Variants in PRKD1 observed in about 807,000 individuals in gnomAD.
PRKD1 encodes the protein protein kinase D1, also known as serine/threonine-protein kinase D1.
Under a neutral mutation model 95.9 loss-of-function variants are expected in PRKD1, and 63 were observed. That is an observed-to-expected ratio of 0.66 (90% CI 0.54 to 0.81). PRKD1 has a LOEUF of 0.81. Ranked by LOEUF, PRKD1 falls within the 30% of genes least tolerant of loss-of-function variation. The pLI is 0.00. For synonymous variants in PRKD1, 425 were observed against 423.1 expected, an observed-to-expected ratio of 1.00 and a Z score of -0.05; for missense variants, 1,048 against 1,165.3, an observed-to-expected ratio of 0.90 and a Z score of 1.47.
At chr14:29,838,190 C>T (rs1327013688) in intron 1 of PRKD1, among the ~76,000 whole-genome samples, 1 of 151,962 alleles carries the variant, frequency 6.6e-6, no homozygotes, top group African/African-American at 2.4e-5. Context: ...TTTTGGACCC[C>T]TAAATATGGG....
At chr14:29,910,693 G>A (rs1465459300) in intron 1 of PRKD1, among the ~76,000 whole-genome samples, 1 of 152,208 alleles carries the variant, frequency 6.6e-6, no homozygotes, top group East Asian at 1.9e-4. Flanking sequence ...AGGAATTTGA[G>A]ACTTGTTAGG....
In PRKD1 at chr14:29,614,853, C is replaced by A. The variant is rs569861750; in HGVS notation, c.1905+9299G>T. ...TACAGGCATGGGGCACCATGCCCAG[C>A]TAATTTTTTTTTTTTTTTTTTTTTT... On this transcript the variant is annotated intron_variant, in intron 13 of 17. Transcript: ENST00000331968. Among the ~76,000 whole-genome samples, 19 of 136,822 alleles carry A rather than the reference C, an allele frequency of 1.4e-4. No individual in the cohort carries two copies. The South Asian group carries it at 4.6e-3, about 33-fold the overall frequency. 89.8% of individuals were successfully genotyped at this position (136,822 alleles called of 152,430 possible). A position where few individuals can be genotyped will look rare whatever the true frequency, so the allele number is the denominator to read the frequency against.
At chr14:29,774,640 A>C (rs964829869) in intron 1 of PRKD1, among the ~76,000 whole-genome samples, 1 of 152,190 alleles carries the variant, frequency 6.6e-6, no homozygotes, top group Non-Finnish European at 1.5e-5. Flanking sequence ...AGTTGACATT[A>C]TTGTGCATTT....
chr14:29,588,790 TTGTGTGTGTGTGTGTGTGTG>T (rs34773417), intron 16 of PRKD1, among the ~76,000 whole-genome samples: 7 of 145,326 alleles, frequency 4.8e-5, no homozygotes, highest in African/African-American at 1.0e-4. Context: ...ATTCCTAAAG[TTGTGTGTGTGTGTGTGTGTG>T]TGTGTGTGTG....
At chr14:29,592,490 A>G (rs907562912) in intron 16 of PRKD1, among the ~76,000 whole-genome samples, 1 of 152,194 alleles carries the variant, frequency 6.6e-6, no homozygotes, top group Non-Finnish European at 1.5e-5. Flanking sequence ...AGTTATACAT[A>G]AATGCATTCA....
intron 1 of PRKD1, among the ~76,000 whole-genome samples, chr14:29,781,316 G>T (rs1290025968): frequency 2.0e-5 from 3 of 152,006 alleles, no homozygotes; most frequent in Non-Finnish European, 4.4e-5. Context: ...ATCTTGAGAG[G>T]ACTGGAAACC....
intron 1 of PRKD1, among the ~76,000 whole-genome samples, chr14:29,813,898 T>C (rs1478704332): frequency 6.6e-6 from 1 of 152,144 alleles, no homozygotes; most frequent in Non-Finnish European, 1.5e-5. Context: ...ACAAAAAAGT[T>C]AGGGATCAAA....
intron 1 of PRKD1, among the ~76,000 whole-genome samples, chr14:29,926,325 T>C (rs2139149182): frequency 6.6e-6 from 1 of 152,362 alleles, no homozygotes; most frequent in South Asian, 2.1e-4. Context: ...AAACGCTGGC[T>C]GTTTACACTA....
Position 29,927,279 on chromosome 14 carries a change from G to A in PRKD1, c.234C>T (p.Arg78=), listed in dbSNP as rs1386168640. ...SSGDYSLAHV[R]EMACSIVDQK... Reference sequence around the variant, plus strand: ...GGTCGACAATGGAGCAAGCCATCTCGCGGACGTGCGCCAGGCTGTAGTCCC... The same window carrying A: ...GGTCGACAATGGAGCAAGCCATCTCACGGACGTGCGCCAGGCTGTAGTCCC... Residue 78 remains arginine (R), a synonymous_variant, in exon 1 of 18, where the codon CGC becomes CGT. Transcript: ENST00000331968. 3 of 1,530,808 alleles carry A rather than the reference G, an allele frequency of 2.0e-6. No individual in the cohort carries two copies. The highest frequency in any genetic ancestry group is 2.0e-5 in the Admixed American group (1 of 49,220). 94.8% of individuals were successfully genotyped at this position (1,530,808 alleles called of 1,614,324 possible).
chr14:29,616,447 T>G (rs1228518987), intron 13 of PRKD1, among the ~76,000 whole-genome samples: 1 of 33,864 alleles, frequency 3.0e-5, no homozygotes, highest in Non-Finnish European at 9.3e-5. Context: ...TCGTTTATGG[T>G]TTTTTTTTTT....
intron 2 of PRKD1, among the ~76,000 whole-genome samples, chr14:29,719,442 T>C (rs1885779235): frequency 6.6e-6 from 1 of 152,198 alleles, no homozygotes; most frequent in Non-Finnish European, 1.5e-5. Flanking sequence ...ATATCATCAA[T>C]GGTCCCTGAA....
At chr14:29,835,698 G>C (rs1183507047) in intron 1 of PRKD1, among the ~76,000 whole-genome samples, 2 of 152,056 alleles carry the variant, frequency 1.3e-5, no homozygotes, top group East Asian at 1.9e-4. Context: ...AGCCTTCTGA[G>C]TAGCTGGGAT....
intron 1 of PRKD1, among the ~76,000 whole-genome samples, chr14:29,926,422 C>T (rs1895296943): frequency 6.6e-6 from 1 of 152,158 alleles, no homozygotes; most frequent in Non-Finnish European, 1.5e-5. Flanking sequence ...CAGAGGCAAC[C>T]TGAAAATCCA....
At chr14:29,796,696 T>C (rs1270282220) in intron 1 of PRKD1, among the ~76,000 whole-genome samples, 1 of 152,086 alleles carries the variant, frequency 6.6e-6, no homozygotes, top group Non-Finnish European at 1.5e-5. Context: ...TCAAGTAAGA[T>C]GAGGGCCAAA....
At chr14:29,654,093 T>A (rs7142048) in intron 4 of PRKD1, among the ~76,000 whole-genome samples, 25,950 of 151,698 alleles carry the variant, frequency 0.17, 3,337 homozygotes, top group African/African-American at 0.35. Context: ...TTTTTTTTTT[T>A]AAAAAAGCAG....
intron 4 of PRKD1, among the ~76,000 whole-genome samples, chr14:29,639,712 A>T (rs1299222437): frequency 6.6e-6 from 1 of 152,110 alleles, no homozygotes; most frequent in African/African-American, 2.4e-5. Flanking sequence ...ACCTAAAGAA[A>T]AAAATAAATA....
chr14:29,734,326 C>T (rs150514964), intron 1 of PRKD1, among the ~76,000 whole-genome samples: 115 of 152,136 alleles, frequency 7.6e-4, no homozygotes, highest in African/African-American at 2.7e-3. Flanking sequence ...GGGTGTGAGC[C>T]ACTGCGCCCA....
At chr14:29,687,276 G>C (rs1883937087) in intron 2 of PRKD1, among the ~76,000 whole-genome samples, 1 of 152,218 alleles carries the variant, frequency 6.6e-6, no homozygotes, top group African/African-American at 2.4e-5. Context: ...AAAGCAAAGT[G>C]CTTGCGGTAA....
chr14:29,656,930 T>A (rs1231443927), intron 4 of PRKD1, among the ~76,000 whole-genome samples: 1 of 152,162 alleles, frequency 6.6e-6, no homozygotes, highest in African/African-American at 2.4e-5. Flanking sequence ...AAGAAAAAGG[T>A]CATCAAAGTA....
Sources: gnomAD v4.1 joint callset for allele counts (sites outside exome capture counted in the v4.1 genomes callset) on GRCh38, gnomAD v4.1.1 for gene constraint, MANE v1.5 for transcripts, NCBI Gene and HGNC (gene_info 2026-07-23, HGNC 2026-07-21) for gene names.